PABPC4L: variants seen among roughly 807,000 people sequenced by gnomAD.
PABPC4L encodes polyadenylate-binding protein 4-like.
For missense variants in PABPC4L, 452 were observed against 451.4 expected (o/e 1.00, Z -0.01); for synonymous variants, 169 against 164.1 (o/e 1.03, Z -0.23).
chr4:134,119,151 T>C, the PABPC4L span, among the ~76,000 whole-genome samples: 1 of 151,702 alleles, frequency 6.6e-6, no homozygotes, highest in Admixed American at 6.6e-5. Flanking sequence ...CATAACCACA[T>C]GCAAGATGTT....
At chr4:134,050,175 G>A in the PABPC4L span, among the ~76,000 whole-genome samples, 2 of 152,070 alleles carry the variant, frequency 1.3e-5, no homozygotes, top group African/African-American at 4.8e-5. Context: ...TCAACATCAT[G>A]GGTTTGTTCT....
the PABPC4L span, among the ~76,000 whole-genome samples, chr4:134,031,057 G>C: frequency 6.6e-6 from 1 of 151,942 alleles, no homozygotes; most frequent in African/African-American, 2.4e-5. Context: ...AGCTCTAAAT[G>C]GTTGCTTAAC....
the PABPC4L span, among the ~76,000 whole-genome samples, chr4:134,147,749 GTGTTGT>G: frequency 6.7e-6 from 1 of 149,038 alleles, no homozygotes; most frequent in South Asian, 2.1e-4. Flanking sequence ...GTGTGTGTGT[GTGTTGT>G]TGTTGTTGTT....
chr4:134,020,754 C>T, the PABPC4L span, among the ~76,000 whole-genome samples: 1 of 151,884 alleles, frequency 6.6e-6, no homozygotes, highest in Admixed American at 6.6e-5. Flanking sequence ...CAGGGAGATA[C>T]TAGTGAAAAC....
chr4:134,185,489 C>G, the PABPC4L span, among the ~76,000 whole-genome samples: 2 of 152,050 alleles, frequency 1.3e-5, no homozygotes, highest in East Asian at 1.9e-4. Context: ...ATTCAACAGC[C>G]TTCATGCTAA....
the PABPC4L span, among the ~76,000 whole-genome samples, chr4:134,106,279 T>A: frequency 6.6e-6 from 1 of 151,632 alleles, no homozygotes; most frequent in Non-Finnish European, 1.5e-5. Flanking sequence ...AGTAAAAAGA[T>A]TTACCTACAG....
At chr4:133,993,856 T>A in the PABPC4L span, among the ~76,000 whole-genome samples, 3 of 152,108 alleles carry the variant, frequency 2.0e-5, no homozygotes, top group Non-Finnish European at 4.4e-5. Flanking sequence ...GATGTGTAGA[T>A]CTAGCAGTTG....
chr4:134,200,583 T>C lies in PABPC4L; in HGVS notation c.437A>G (p.Asn146Ser). The change falls in exon 2 of 2, where the codon AAC becomes AGC. Residue 146 changes from asparagine (N) to serine (S), a missense_variant. Coordinates refer to ENST00000421491, the MANE Select transcript of PABPC4L (RefSeq NM_001114734.2). ...SKGYAFVHFQ[N>S]QSAADRAIEE... ...AATGGCCCTGTCTGCAGCACTCTGG[T>C]TCTGAAAGTGCACAAATGCATAGCC... is the stretch of plus-strand genomic sequence containing the variant. 1.3e-6 allele frequency: 2 copies of C among 1,551,658 alleles called. No individual in the cohort carries two copies. The highest frequency in any genetic ancestry group is 1.7e-6 in the Non-Finnish European group (2 of 1,146,970).
chr4:134,124,032 G>T, the PABPC4L span, among the ~76,000 whole-genome samples: 1 of 152,220 alleles, frequency 6.6e-6, no homozygotes, highest in Middle Eastern at 3.4e-3. Context: ...AGAGTTCAAA[G>T]TGATGCTTTC....
the PABPC4L span, among the ~76,000 whole-genome samples, chr4:133,970,987 C>A: frequency 2.6e-5 from 4 of 151,970 alleles, no homozygotes; most frequent in Admixed American, 2.6e-4. Flanking sequence ...GTAGCCCAAA[C>A]AGACTAAGAC....
At chr4:134,010,524 C>T in the PABPC4L span, 1 of 152,204 alleles carries the variant, frequency 6.6e-6, no homozygotes, top group East Asian at 1.9e-4. Context: ...ATAATAAAAG[C>T]TTATTTCTCC....
chr4:134,169,741 T>C, the PABPC4L span, among the ~76,000 whole-genome samples: 1 of 151,936 alleles, frequency 6.6e-6, no homozygotes, highest in African/African-American at 2.4e-5. Context: ...AAGTGAAAGC[T>C]CTCTACATTT....
the PABPC4L span, among the ~76,000 whole-genome samples, chr4:134,150,347 G>GCAAATCA: frequency 1.3e-5 from 2 of 151,964 alleles, no homozygotes; most frequent in East Asian, 3.9e-4. Flanking sequence ...GCCTCCCAAA[G>GCAAATCA]TGCTGGGATT....
the PABPC4L span, among the ~76,000 whole-genome samples, chr4:134,110,616 G>A: frequency 6.7e-6 from 1 of 148,472 alleles, no homozygotes; most frequent in South Asian, 2.1e-4. Flanking sequence ...TATTCATTGG[G>A]GGATTAAAAG....
the PABPC4L span, among the ~76,000 whole-genome samples, chr4:134,131,882 A>G: frequency 2.0e-5 from 3 of 152,002 alleles, no homozygotes; most frequent in East Asian, 5.8e-4. Context: ...ATAACAATGG[A>G]ACAGATTAAG....
At chr4:133,988,860 C>T in the PABPC4L span, among the ~76,000 whole-genome samples, 416 of 152,258 alleles carry the variant, frequency 2.7e-3, 2 homozygotes, top group East Asian at 7.9e-3. Flanking sequence ...TTGAACATCG[C>T]GCATTTCCAT....
the PABPC4L span, among the ~76,000 whole-genome samples, chr4:134,183,881 G>A: frequency 6.6e-6 from 1 of 151,494 alleles, no homozygotes; most frequent in Non-Finnish European, 1.5e-5. Flanking sequence ...ATCAAAAAAA[G>A]CCATGATTGC....
chr4:133,963,268 G>T, the PABPC4L span, among the ~76,000 whole-genome samples: 1 of 152,082 alleles, frequency 6.6e-6, no homozygotes, highest in Non-Finnish European at 1.5e-5. Context: ...AATGGTAAAA[G>T]GTCTTGTCCA....
chr4:134,158,628 C>T, the PABPC4L span, among the ~76,000 whole-genome samples: 1 of 152,182 alleles, frequency 6.6e-6, no homozygotes, highest in East Asian at 1.9e-4. Flanking sequence ...ACTTGAACTT[C>T]TTGCCTGGAT....
Sources: gnomAD v4.1 joint callset for allele counts (sites outside exome capture counted in the v4.1 genomes callset) on GRCh38, gnomAD v4.1.1 for gene constraint, MANE v1.5 for transcripts, NCBI Gene and HGNC (gene_info 2026-07-23, HGNC 2026-07-21) for gene names.